SLC5A10: variants seen among roughly 807,000 people sequenced by gnomAD.
The protein encoded by SLC5A10 is sodium/mannose cotransporter SLC5A10.
In SLC5A10, 55 loss-of-function variants were observed where a neutral mutation model predicts 68.9. That is an observed-to-expected ratio of 0.80 (90% CI 0.64 to 1.00). SLC5A10 has a LOEUF of 1.00. SLC5A10 is among the 50% of genes least tolerant of loss of function. The pLI, the probability that SLC5A10 is intolerant of heterozygous loss-of-function variation, is 0.00. For missense variants in SLC5A10, 732 were observed against 819.3 expected (o/e 0.89, Z 1.30); for synonymous variants, 344 against 344.8 (o/e 1.00, Z 0.02).
rs764535306 is a variant in SLC5A10 at position 19,015,211 on chromosome 17, G to GGGGCCGGTACGGGGGTGA, written c.1241+17_1241+18insGGTACGGGGGTGAGGGCC. 1 of 1,316,372 alleles carries GGGGCCGGTACGGGGGTGA rather than the reference G, an allele frequency of 7.6e-7. No individual in the cohort carries two copies. The allele number at this position is 1,316,372 out of a possible 1,614,324, so 81.5% of individuals were successfully genotyped here. A position where few individuals can be genotyped will look rare whatever the true frequency, so the allele number is the denominator to read the frequency against. Reference sequence around the variant, plus strand: ...CTGCTGGTGGGACGGTACGGGGGTGGGGGCCAGTACGGGGGTGGGGGAACA... The same window carrying GGGGCCGGTACGGGGGTGA: ...CTGCTGGTGGGACGGTACGGGGGTGGGGGCCGGTACGGGGGTGAGGGCCAGTACGGGGGTGGGGGAACA... On this transcript the variant is annotated intron_variant, in intron 11 of 14. Transcript: ENST00000395645.
chr17:18,950,796 ATC>A, upstream of SLC5A10: 2 of 577,032 alleles, frequency 3.5e-6, no homozygotes, highest in Non-Finnish European at 4.4e-6. Flanking sequence ...GCTCACTGCA[ATC>A]TCTACCTCCT....
In SLC5A10 at chr17:18,958,708, G is replaced by A. The variant is rs78723367; in HGVS notation, c.138G>A (p.Thr46=). The part of the protein sequence containing the change: ...IWSSCRASRN[T]VNGYFLAGRD... ...CCTCTTGTCGGGCCAGTAGGAACAC[G>A]GTGAATGGCTACTTCCTGGCAGGCC... The change falls in exon 2 of 15, where the codon ACG becomes ACA. Residue 46 remains threonine, a synonymous_variant. Coordinates refer to ENST00000395645, the MANE Select transcript of SLC5A10 (RefSeq NM_001042450.4). 1,170 of 1,614,186 alleles carry A rather than the reference G, an allele frequency of 7.2e-4. 10 individuals carry two copies. In the African/African-American group the frequency reaches 0.012, roughly 16 times the overall value.
At position 19,022,362 on chromosome 17, in the gene SLC5A10, A is replaced by C; in HGVS notation, c.*1931A>C. On this transcript the variant is annotated 3_prime_UTR_variant, in exon 15 of 15. Coordinates refer to ENST00000395645, the MANE Select transcript of SLC5A10 (RefSeq NM_001042450.4). Reference sequence around the variant, plus strand: ...CTGTGCAGATGCTGCATCTACATAGAACACGGCTTTCCCAGCCGCCCAGCT... The same window carrying C: ...CTGTGCAGATGCTGCATCTACATAGCACACGGCTTTCCCAGCCGCCCAGCT... 2.5e-6 allele frequency: 1 copy of C among 407,992 alleles called. No homozygotes were observed. Among genetic ancestry groups the C allele is most frequent in the Non-Finnish European group, 4.4e-6 (1 of 229,068 alleles). 25.3% of individuals were successfully genotyped at this position (407,992 alleles called of 1,614,324 possible).
intron 9 of SLC5A10, among the ~76,000 whole-genome samples, chr17:19,006,508 G>A (rs1423839569): frequency 6.6e-6 from 1 of 151,314 alleles, no homozygotes; most frequent in African/African-American, 2.4e-5. Flanking sequence ...CGAAGTTCTG[G>A]GATTATAGGC....
At chr17:18,979,802 A>T (rs1425308957) in intron 9 of SLC5A10, 2 of 1,060,108 alleles carry the variant, frequency 1.9e-6, no homozygotes, top group Admixed American at 2.0e-5. Flanking sequence ...AAGAGGCTGT[A>T]AGGCCTGGAG....
chr17:18,958,849 A>G, intron 2 of SLC5A10, 96 bp downstream of exon 2: 1 of 1,428,376 alleles, frequency 7.0e-7, no homozygotes, highest in Admixed American at 1.8e-5. Flanking sequence ...GAGCCAGTCC[A>G]ATTCAGTGGA....
chr17:18,956,465 G>GTTTTTTTTTTTTTTTTTTTTTTCTTTT (rs2042505032), intron 1 of SLC5A10, among the ~76,000 whole-genome samples: 1 of 98,010 alleles, frequency 1.0e-5, no homozygotes, highest in African/African-American at 3.8e-5. Context: ...TTTTCTTTCT[G>GTTTTTTTTTTTTTTTTTTTTTTCTTTT]TTTTTTTTTT....
intron 9 of SLC5A10, among the ~76,000 whole-genome samples, chr17:19,006,655 TCTC>T (rs1412089649): frequency 6.6e-6 from 1 of 152,194 alleles, no homozygotes; most frequent in African/African-American, 2.4e-5. Flanking sequence ...ACTACAAAGA[TCTC>T]CTTCTCTGTA....
intron 11 of SLC5A10, among the ~76,000 whole-genome samples, chr17:19,016,750 T>G (rs1467292025): frequency 6.6e-6 from 1 of 152,104 alleles, no homozygotes; most frequent in Non-Finnish European, 1.5e-5. Flanking sequence ...CCTTGACCAC[T>G]TCTCCCCCTC....
At chr17:19,015,858 C>T (rs1056765647) in intron 11 of SLC5A10, among the ~76,000 whole-genome samples, 8 of 152,174 alleles carry the variant, frequency 5.3e-5, no homozygotes, top group African/African-American at 1.2e-4. Context: ...AATATCTGGG[C>T]GCTTCATGAG....
intron 9 of SLC5A10, among the ~76,000 whole-genome samples, chr17:18,984,110 A>G (rs1001405432): frequency 6.6e-6 from 1 of 152,156 alleles, no homozygotes; most frequent in Non-Finnish European, 1.5e-5. Context: ...TGGGAGGCCG[A>G]GGCGGGCGGA....
chr17:19,012,549 G>A (rs997358277), intron 9 of SLC5A10, among the ~76,000 whole-genome samples: 2 of 152,276 alleles, frequency 1.3e-5, no homozygotes, highest in Non-Finnish European at 2.9e-5. Flanking sequence ...GAGGGAAAGC[G>A]ATGTGGGGCA....
intron 9 of SLC5A10, among the ~76,000 whole-genome samples, chr17:18,998,052 C>T (rs1296588835): frequency 2.0e-5 from 3 of 152,208 alleles, no homozygotes; most frequent in East Asian, 1.9e-4. Flanking sequence ...CCCAGTGATA[C>T]GGAAGCCTGT....
chr17:18,966,495 G>A (rs2151997347), intron 5 of SLC5A10, among the ~76,000 whole-genome samples: 1 of 152,310 alleles, frequency 6.6e-6, no homozygotes, highest in Non-Finnish European at 1.5e-5. Flanking sequence ...CGGGTGCGGT[G>A]GCTCACGCCT....
Position 18,981,305 on chromosome 17 carries a change from A to C in SLC5A10, c.982+4316A>C, listed in dbSNP as rs184006542. ...GACCAGGCATGAGAGGCCTTTGTAC[A>C]AGAGCACCTCAGGGGAGGAGGGGTG... On this transcript the variant is annotated intron_variant, in intron 9 of 14. Transcript: ENST00000395645. Among the ~76,000 whole-genome samples, 232 of 152,172 alleles carry C rather than the reference A, an allele frequency of 1.5e-3. 1 individual carries two copies. The highest frequency in any genetic ancestry group is 4.1e-4 in the Non-Finnish European group (28 of 67,988).
Position 19,020,789 on chromosome 17 carries a change from G to C in SLC5A10, c.*358G>C, listed in dbSNP as rs1431472747. The C allele has an allele frequency of 7.8e-6, 2 of 255,072 alleles. No individual in the cohort carries two copies. The highest frequency in any genetic ancestry group is 1.5e-5 in the Non-Finnish European group (2 of 129,538). 15.8% of individuals were successfully genotyped at this position (255,072 alleles called of 1,614,324 possible). A position where few individuals can be genotyped will look rare whatever the true frequency, so the allele number is the denominator to read the frequency against. ...TTCTAAGGGTCTTGGGCCAGCTCTG[G>C]ATGGAGGAAGAGCCCCACATGCCCA... is the stretch of plus-strand genomic sequence containing the variant. On this transcript the variant is annotated 3_prime_UTR_variant, in exon 15 of 15. Coordinates refer to ENST00000395645, the MANE Select transcript of SLC5A10 (RefSeq NM_001042450.4).
At chr17:19,008,450 T>C (rs2043943814) in intron 9 of SLC5A10, among the ~76,000 whole-genome samples, 1 of 152,114 alleles carries the variant, frequency 6.6e-6, no homozygotes, top group Admixed American at 6.6e-5. Context: ...TTTTGGCCTA[T>C]AGATGTTCTC....
rs545967562 is a variant in SLC5A10 at position 18,979,741 on chromosome 17, G to A, written c.982+2752G>A. ...TGACCACACAGGGCGAGGGGAGGAC[G>A]GCAGCTGCCCAGGGCTCAGAGGGGA... On this transcript the variant is annotated intron_variant, in intron 9 of 14. Transcript: ENST00000395645. The A allele has an allele frequency of 2.6e-5, 41 of 1,583,018 alleles. No individual in the cohort carries two copies. In the South Asian group the frequency reaches 3.3e-4, roughly 13 times the overall value.
In SLC5A10 at chr17:19,019,560, T is replaced by A. The variant is rs899058280; in HGVS notation, c.1379T>A (p.Leu460Gln). The part of the protein sequence containing the change: ...LAPPVTAVFV[L>Q]GVFWRRANEQ... Reference sequence around the variant, plus strand: ...CCACCAGTGACTGCAGTCTTTGTCCTGGGCGTCTTCTGGCGACGTGCCAAC... The same window carrying A: ...CCACCAGTGACTGCAGTCTTTGTCCAGGGCGTCTTCTGGCGACGTGCCAAC... Residue 460 changes from leucine (L) to glutamine (Q), a missense_variant, in exon 12 of 15, where the codon CTG becomes CAG. Physicochemically the swap from Leu to Gln is moderately radical, Grantham distance 113. Transcript: ENST00000395645. 1 of 1,612,142 alleles carries A rather than the reference T, an allele frequency of 6.2e-7. No individual in the cohort carries two copies. The highest frequency in any genetic ancestry group is 8.5e-7 in the Non-Finnish European group (1 of 1,179,946).
Sources: gnomAD v4.1 joint callset for allele counts (sites outside exome capture counted in the v4.1 genomes callset) on GRCh38, gnomAD v4.1.1 for gene constraint, MANE v1.5 for transcripts, NCBI Gene and HGNC (gene_info 2026-07-23, HGNC 2026-07-21) for gene names.